Variants in DPF3 observed in about 807,000 individuals in gnomAD.
DPF3 encodes double PHD fingers 3.
Under a neutral mutation model 56.8 loss-of-function variants are expected in DPF3, and 18 were observed. The observed-to-expected ratio is 0.32, with a 90% CI of 0.22 to 0.47. The LOEUF (loss-of-function observed/expected upper bound fraction) is 0.47, where lower values mean the gene tolerates loss of function less well. DPF3 is among the 20% of genes least tolerant of loss of function. DPF3 has a pLI of 1.00. For missense variants in DPF3, 403 were observed against 488.8 expected (o/e 0.82, Z 1.65); for synonymous variants, 188 against 180.2 (o/e 1.04, Z -0.35).
intron 1 of DPF3, among the ~76,000 whole-genome samples, chr14:72,790,121 T>C (rs998690184): frequency 6.4e-4 from 98 of 152,080 alleles, no homozygotes; most frequent in Non-Finnish European, 2.4e-4. Context: ...GCACAATGGC[T>C]CATGCCTGTA....
intron 3 of DPF3, among the ~76,000 whole-genome samples, chr14:72,743,562 A>C (rs911314453): frequency 1.3e-5 from 2 of 151,956 alleles, no homozygotes; most frequent in African/African-American, 4.8e-5. Context: ...AGGGGACACA[A>C]GTAAAAGTTT....
chr14:72,805,517 G>C (rs1262623188), intron 1 of DPF3, among the ~76,000 whole-genome samples: 1 of 151,312 alleles, frequency 6.6e-6, no homozygotes, highest in Non-Finnish European at 1.5e-5. Flanking sequence ...AGGGCAAATG[G>C]AACAGTCACA....
chr14:72,728,769 A>G (rs1328719299), intron 4 of DPF3, among the ~76,000 whole-genome samples: 1 of 152,158 alleles, frequency 6.6e-6, no homozygotes, highest in Non-Finnish European at 1.5e-5. Context: ...GCCCTCGAGG[A>G]GTTTACATTC....
intron 1 of DPF3, among the ~76,000 whole-genome samples, chr14:72,879,650 C>G (rs1206197229): frequency 3.3e-5 from 5 of 152,030 alleles, no homozygotes; most frequent in African/African-American, 7.2e-5. Context: ...AATCAAACCG[C>G]CTGCCCAGAG....
At chr14:72,746,424 T>G (rs1033287543) in intron 3 of DPF3, among the ~76,000 whole-genome samples, 1 of 151,964 alleles carries the variant, frequency 6.6e-6, no homozygotes, top group African/African-American at 2.4e-5. Context: ...CTGTTCAGAC[T>G]CAGAAGAGGA....
intron 8 of DPF3, among the ~76,000 whole-genome samples, chr14:72,653,439 G>A (rs1205563031): frequency 1.3e-5 from 2 of 152,250 alleles, no homozygotes. Flanking sequence ...GAAGAGCGAA[G>A]AGAATCAGTG....
intron 3 of DPF3, among the ~76,000 whole-genome samples, chr14:72,750,097 A>G (rs1890504067): frequency 6.6e-6 from 1 of 152,190 alleles, no homozygotes. Context: ...AATAATTTAT[A>G]TATTAGTTTT....
chr14:72,773,679 T>C (rs968889881), intron 1 of DPF3: 1 of 382,620 alleles, frequency 2.6e-6, no homozygotes, highest in Non-Finnish European at 5.1e-6. Context: ...TCTATGATTC[T>C]GACTACTCCA....
In DPF3 at chr14:72,753,267, G is replaced by T. The variant is rs768177838; in HGVS notation, c.298C>A (p.Pro100Thr). The change falls in exon 3 of 11, where the codon CCT becomes ACT. Residue 100 changes from proline (P) to threonine (T), a missense_variant. By Grantham distance (38) the Pro-to-Thr change is conservative. Transcript: ENST00000556509. ...DPKLRLLEIK[P>T]EVELPLKKDG... ...CCAAGCTCCAGAGGGCACTGACCAG[G>T]TTTTATCTCCAGCAGCCGCAGTTTT... 5.6e-6 allele frequency: 9 copies of T among 1,613,464 alleles called. No homozygotes were observed. The highest frequency in any genetic ancestry group is 7.6e-6 in the Non-Finnish European group (9 of 1,179,774).
intron 1 of DPF3, among the ~76,000 whole-genome samples, chr14:72,774,519 C>T (rs770062597): frequency 3.9e-5 from 6 of 152,022 alleles, no homozygotes; most frequent in African/African-American, 9.7e-5. Flanking sequence ...AAAAAGTCAA[C>T]GGGTCAGGTT....
chr14:72,882,093 C>T (rs760259087), intron 1 of DPF3, among the ~76,000 whole-genome samples: 4 of 152,188 alleles, frequency 2.6e-5, no homozygotes, highest in South Asian at 4.2e-4. Context: ...GCTGTGTCTT[C>T]GTCTTCTAAA....
At chr14:72,756,704 C>T (rs35977632) in intron 2 of DPF3, among the ~76,000 whole-genome samples, 46,449 of 150,944 alleles carry the variant, frequency 0.31, 7,997 homozygotes, top group Middle Eastern at 0.4. Flanking sequence ...CTCAGCTATT[C>T]GGGAGGCTGA....
chr14:72,681,069 T>C (rs977947131), intron 7 of DPF3, among the ~76,000 whole-genome samples: 33 of 152,202 alleles, frequency 2.2e-4, no homozygotes, highest in Non-Finnish European at 1.3e-4. Context: ...GCAGGAACCA[T>C]GTCCTTCACT....
chr14:72,796,368 T>A (rs1892647655), intron 1 of DPF3, among the ~76,000 whole-genome samples: 1 of 152,134 alleles, frequency 6.6e-6, no homozygotes, highest in Non-Finnish European at 1.5e-5. Flanking sequence ...CCAGGCATAG[T>A]GGCATGGGCC....
intron 1 of DPF3, 134 bp downstream of exon 1, chr14:72,893,923 A>T: frequency 1.0e-6 from 1 of 968,062 alleles, no homozygotes; most frequent in Non-Finnish European, 1.6e-6. Context: ...GTAAGAGCTG[A>T]AAGAAGAGAG....
chr14:72,826,003 C>A (rs1883783131), intron 1 of DPF3, among the ~76,000 whole-genome samples: 2 of 150,620 alleles, frequency 1.3e-5, no homozygotes, highest in South Asian at 2.1e-4. Context: ...CAGATGGGGG[C>A]AGGGGCGGGA....
At chr14:72,882,565 T>G (rs1251561762) in intron 1 of DPF3, among the ~76,000 whole-genome samples, 1 of 152,158 alleles carries the variant, frequency 6.6e-6, no homozygotes, top group African/African-American at 2.4e-5. Flanking sequence ...ATTATGCATT[T>G]GGATATGCAT....
intron 6 of DPF3, among the ~76,000 whole-genome samples, chr14:72,694,859 A>G (rs1887841877): frequency 6.6e-6 from 1 of 152,150 alleles, no homozygotes; most frequent in Admixed American, 6.5e-5. Flanking sequence ...TTTATCAACT[A>G]CCCTTTCAGC....
chr14:72,685,522 C>G (rs902416840), intron 7 of DPF3, among the ~76,000 whole-genome samples: 4 of 152,194 alleles, frequency 2.6e-5, no homozygotes, highest in Non-Finnish European at 5.9e-5. Context: ...TTATTTCTAA[C>G]AAGGCAGGAA....
Sources: gnomAD v4.1 joint callset for allele counts (sites outside exome capture counted in the v4.1 genomes callset) on GRCh38, gnomAD v4.1.1 for gene constraint, MANE v1.5 for transcripts, NCBI Gene and HGNC (gene_info 2026-07-23, HGNC 2026-07-21) for gene names.